FAF1: variants seen among roughly 807,000 people sequenced by gnomAD.
The protein encoded by FAF1 is FAS-associated factor 1.
FAF1 carries 25 observed loss-of-function variants against 92.5 expected under a neutral mutation model. The ratio of observed to expected loss-of-function variants is 0.27; its 90% CI spans 0.20 to 0.38. The LOEUF is 0.38. Ranked by LOEUF, FAF1 falls within the 10% of genes least tolerant of loss-of-function variation. FAF1 has a pLI of 1.00. For synonymous variants in FAF1, 234 were observed against 273.2 expected, an observed-to-expected ratio of 0.86 and a Z score of 1.42; for missense variants, 636 against 793.3, an observed-to-expected ratio of 0.80 and a Z score of 2.38.
At chr1:50,470,026 T>C (rs1646550960) in intron 18 of FAF1, among the ~76,000 whole-genome samples, 2 of 152,228 alleles carry the variant, frequency 1.3e-5, no homozygotes, top group Non-Finnish European at 2.9e-5. Context: ...GCTTTTAAGA[T>C]ACAGTCATTC....
intron 13 of FAF1, among the ~76,000 whole-genome samples, chr1:50,556,353 T>C (rs1649582027): frequency 6.6e-6 from 1 of 151,398 alleles, no homozygotes; most frequent in African/African-American, 2.4e-5. Context: ...CAGGGGCCTA[T>C]AGAGAGGTAT....
chr1:50,906,932 G>A (rs1311692615), intron 1 of FAF1, among the ~76,000 whole-genome samples: 1 of 152,206 alleles, frequency 6.6e-6, no homozygotes, highest in East Asian at 1.9e-4. Context: ...GAGGAGTGGT[G>A]AGAGAGGGCA....
intron 6 of FAF1, among the ~76,000 whole-genome samples, chr1:50,734,369 T>C (rs894456762): frequency 6.6e-6 from 1 of 152,220 alleles, no homozygotes; most frequent in African/African-American, 2.4e-5. Flanking sequence ...CCCAACCCAA[T>C]GGCTTTTTTA....
intron 4 of FAF1, among the ~76,000 whole-genome samples, chr1:50,760,797 C>A (rs1423892774): frequency 1.3e-5 from 2 of 152,120 alleles, no homozygotes; most frequent in African/African-American, 4.8e-5. Context: ...CAAAAGCAAA[C>A]ACATTCAAAA....
chr1:50,881,696 C>CA lies in FAF1; in HGVS notation c.46-23700dup, dbSNP rs201670630. On this transcript the variant is annotated intron_variant, in intron 1 of 18. Transcript: ENST00000396153. ...AGAGCTGATGTTGTTTTCCATATAGCAAAAAAAACAAGCTTATCACTGTTA... is the reference window on the plus strand; with the variant it reads ...AGAGCTGATGTTGTTTTCCATATAGCAAAAAAAAACAAGCTTATCACTGTTA... Among the ~76,000 whole-genome samples the CA allele has an allele frequency of 3.9e-3, 595 of 151,564 alleles. 1 individual carries two copies. Among genetic ancestry groups the CA allele is most frequent in the African/African-American group, 0.013 (558 of 41,348 alleles).
chr1:50,829,651 TTC>T (rs998323931), intron 2 of FAF1, among the ~76,000 whole-genome samples: 3 of 152,192 alleles, frequency 2.0e-5, no homozygotes, highest in Non-Finnish European at 2.9e-5. Flanking sequence ...TTTCAGAGCT[TTC>T]TGTACTTAGT....
At chr1:50,882,011 G>C (rs188252160) in intron 1 of FAF1, among the ~76,000 whole-genome samples, 1 of 152,210 alleles carries the variant, frequency 6.6e-6, no homozygotes, top group Non-Finnish European at 1.5e-5. Context: ...AAAAGGCATT[G>C]TTTCAATACC....
chr1:50,559,858 A>C (rs1255675158), intron 13 of FAF1, among the ~76,000 whole-genome samples: 3 of 152,238 alleles, frequency 2.0e-5, no homozygotes, highest in African/African-American at 7.2e-5. Context: ...TGGGATGTTT[A>C]GGATGGCAAT....
At chr1:50,493,263 C>G (rs1446434312) in intron 15 of FAF1, among the ~76,000 whole-genome samples, 4 of 152,098 alleles carry the variant, frequency 2.6e-5, no homozygotes, top group African/African-American at 9.7e-5. Context: ...GAACTCCTGA[C>G]CTCAAGTGAT....
chr1:50,952,705 C>A (rs1271520679), intron 1 of FAF1, among the ~76,000 whole-genome samples: 1 of 151,808 alleles, frequency 6.6e-6, no homozygotes, highest in Non-Finnish European at 1.5e-5. Flanking sequence ...ATGTGGGGAG[C>A]GCCTCTGCCC....
intron 18 of FAF1, among the ~76,000 whole-genome samples, chr1:50,455,045 C>T (rs907342204): frequency 6.6e-6 from 1 of 152,198 alleles, no homozygotes; most frequent in Non-Finnish European, 1.5e-5. Context: ...AGACCTCTTC[C>T]CCCAGCCTCA....
At chr1:50,863,071 A>G (rs759417553) in intron 1 of FAF1, among the ~76,000 whole-genome samples, 2 of 152,030 alleles carry the variant, frequency 1.3e-5, no homozygotes, top group African/African-American at 2.4e-5. Flanking sequence ...CATTCTATTC[A>G]TCAGTACATG....
At chr1:50,728,616 C>A (rs1042571630) in intron 6 of FAF1, among the ~76,000 whole-genome samples, 1 of 151,796 alleles carries the variant, frequency 6.6e-6, no homozygotes, top group African/African-American at 2.4e-5. Context: ...CATAGTGAAA[C>A]CCTGCCTCTA....
At chr1:50,862,890 A>T (rs1644447681) in intron 1 of FAF1, among the ~76,000 whole-genome samples, 1 of 151,980 alleles carries the variant, frequency 6.6e-6, no homozygotes, top group Non-Finnish European at 1.5e-5. Context: ...CATTTATAAA[A>T]GCTCTAGGAA....
chr1:50,527,154 C>T (rs1348200309), intron 15 of FAF1, among the ~76,000 whole-genome samples: 1 of 152,122 alleles, frequency 6.6e-6, no homozygotes, highest in Non-Finnish European at 1.5e-5. Flanking sequence ...CTGTGCCGGG[C>T]CCCTGATGAC....
chr1:50,697,760 C>G (rs1365718154), intron 7 of FAF1, among the ~76,000 whole-genome samples: 2 of 152,038 alleles, frequency 1.3e-5, no homozygotes, highest in Non-Finnish European at 2.9e-5. Context: ...AAAATGTTTA[C>G]TACAAGCTTT....
chr1:50,793,977 T>C (rs1446624904), intron 3 of FAF1, among the ~76,000 whole-genome samples: 1 of 152,200 alleles, frequency 6.6e-6, no homozygotes, highest in African/African-American at 2.4e-5. Flanking sequence ...ATTTTTAGAT[T>C]AGGAATGCTC....
chr1:50,945,388 G>A (rs1167198145), intron 1 of FAF1, among the ~76,000 whole-genome samples: 2 of 152,176 alleles, frequency 1.3e-5, no homozygotes, highest in East Asian at 1.9e-4. Context: ...AATCTGCCAG[G>A]AGCAAGCAGG....
chr1:50,621,651 C>T (rs1354733919), intron 8 of FAF1, among the ~76,000 whole-genome samples: 5 of 151,864 alleles, frequency 3.3e-5, no homozygotes, highest in African/African-American at 7.3e-5. Context: ...CCACCCACCT[C>T]GGCCTCCCAA....
Sources: allele counts gnomAD v4.1 joint callset (sites outside exome capture counted in the v4.1 genomes callset), GRCh38; gene constraint gnomAD v4.1.1; transcripts MANE v1.5; gene names NCBI Gene and HGNC (gene_info 2026-07-23, HGNC 2026-07-21).